NXPE4: variants seen among roughly 807,000 people sequenced by gnomAD.
NXPE4 encodes the protein NXPE family member 4.
NXPE4 carries 42 observed loss-of-function variants against 33.3 expected under a neutral mutation model. The observed-to-expected ratio is 1.26, with a 90% confidence interval of 0.98 to 1.63. The LOEUF (loss-of-function observed/expected upper bound fraction) is 1.63, where lower values mean the gene tolerates loss of function less well. Among genes scored for constraint, NXPE4 ranks in the 40% most tolerant of loss-of-function variants. The pLI is 0.00. For synonymous variants in NXPE4, 253 were observed against 234.9 expected, an observed-to-expected ratio of 1.08 and a Z score of -0.71; for missense variants, 709 against 647.6, an observed-to-expected ratio of 1.09 and a Z score of -1.03.
the NXPE4 span, among the ~76,000 whole-genome samples, chr11:114,639,465 C>G: frequency 1.1e-4 from 17 of 151,680 alleles, no homozygotes; most frequent in African/African-American, 3.9e-4. Context: ...GCACGCTGCG[C>G]TGCCCCCACT....
chr11:114,607,102 T>G, the NXPE4 span, among the ~76,000 whole-genome samples: 1 of 151,818 alleles, frequency 6.6e-6, no homozygotes, highest in Admixed American at 6.6e-5. Flanking sequence ...GCCTCGTGAG[T>G]AACCACTGTT....
the NXPE4 span, among the ~76,000 whole-genome samples, chr11:114,640,363 C>T: frequency 6.7e-6 from 1 of 148,216 alleles, no homozygotes; most frequent in African/African-American, 2.5e-5. Context: ...CATATATATG[C>T]TACTGTTTCT....
the NXPE4 span, among the ~76,000 whole-genome samples, chr11:114,622,728 G>A: frequency 3.4e-4 from 51 of 151,514 alleles, 1 homozygote; most frequent in South Asian, 4.8e-3. Context: ...GTGTTCCCTC[G>A]TGTGTAACCA....
At chr11:114,591,633 G>A (rs1949456675) in intron 2 of NXPE4, among the ~76,000 whole-genome samples, 1 of 152,160 alleles carries the variant, frequency 6.6e-6, no homozygotes, top group South Asian at 2.1e-4. Context: ...CCAGCCCTCA[G>A]GATGACTACA....
At chr11:114,637,479 G>T in the NXPE4 span, among the ~76,000 whole-genome samples, 11 of 151,370 alleles carry the variant, frequency 7.3e-5, no homozygotes, top group African/African-American at 2.4e-4. Context: ...AGTTAATATT[G>T]TTATGTGTGA....
chr11:114,615,948 C>A, the NXPE4 span, among the ~76,000 whole-genome samples: 3 of 151,118 alleles, frequency 2.0e-5, no homozygotes, highest in African/African-American at 7.4e-5. Flanking sequence ...TATGGGTAAC[C>A]ACTGTTACCC....
the NXPE4 span, among the ~76,000 whole-genome samples, chr11:114,646,300 A>G: frequency 4.0e-5 from 6 of 151,582 alleles, no homozygotes; most frequent in African/African-American, 1.4e-4. Context: ...TTTCATAAAT[A>G]TTATGTATAT....
At chr11:114,634,946 G>C in the NXPE4 span, among the ~76,000 whole-genome samples, 1 of 151,878 alleles carries the variant, frequency 6.6e-6, no homozygotes, top group Admixed American at 6.6e-5. Context: ...TGGTGATGAG[G>C]GCCCTTTTTT....
At chr11:114,631,438 C>T in the NXPE4 span, among the ~76,000 whole-genome samples, 2 of 147,398 alleles carry the variant, frequency 1.4e-5, no homozygotes, top group East Asian at 4.0e-4. Context: ...AAACCAAACA[C>T]TGCATATTCT....
At chr11:114,633,243 A>C in the NXPE4 span, among the ~76,000 whole-genome samples, 2 of 134,750 alleles carry the variant, frequency 1.5e-5, no homozygotes, top group Admixed American at 8.0e-5. Flanking sequence ...TGTAACATAT[A>C]ATATATAATA....
intron 5 of NXPE4, 115 bp downstream of exon 5, chr11:114,580,017 T>A: frequency 1.2e-6 from 1 of 865,792 alleles, no homozygotes. Context: ...AATTTTGGTG[T>A]GTTGTGATTG....
chr11:114,604,588 A>G, the NXPE4 span, among the ~76,000 whole-genome samples: 4 of 148,796 alleles, frequency 2.7e-5, no homozygotes, highest in African/African-American at 9.9e-5. Flanking sequence ...ATATTTCCTC[A>G]TGGGTAACCA....
chr11:114,590,507 C>G (rs999198904), intron 2 of NXPE4, among the ~76,000 whole-genome samples: 4 of 152,122 alleles, frequency 2.6e-5, no homozygotes, highest in Non-Finnish European at 5.9e-5. Flanking sequence ...AAAAGAAACT[C>G]AAGTGGATAA....
At chr11:114,629,111 C>T in the NXPE4 span, among the ~76,000 whole-genome samples, 4 of 152,068 alleles carry the variant, frequency 2.6e-5, no homozygotes, top group African/African-American at 9.7e-5. Flanking sequence ...GAACTGGTAC[C>T]ATTCCTTCTG....
chr11:114,667,093 CTG>C, the NXPE4 span, among the ~76,000 whole-genome samples: 1 of 152,206 alleles, frequency 6.6e-6, no homozygotes, highest in South Asian at 2.1e-4. Context: ...GTTGTTCTAA[CTG>C]TGCTGTGATG....
rs1949108869 is a variant in NXPE4, at chr11:114,580,315, T to C, written c.916A>G (p.Lys306Glu). The C allele has an allele frequency of 6.2e-7, 1 of 1,614,000 alleles. No individual in the cohort carries two copies. Among genetic ancestry groups the C allele is most frequent in the Non-Finnish European group, 8.5e-7 (1 of 1,179,910 alleles). Residue 306 changes from lysine to glutamate, a missense_variant, in exon 5 of 6, where the codon AAA becomes GAA. Lys to Glu is a moderately conservative substitution (Grantham distance 56, BLOSUM62 1). Transcript: ENST00000375478. ...CNKETVAMKE[K>E]CKFGMTSTIP... Reference sequence around the variant, plus strand: ...GTGGATGTCATTCCAAACTTGCATTTCTCTTTCATTGCAACTGTTTCTTCT... The same window carrying C: ...GTGGATGTCATTCCAAACTTGCATTCCTCTTTCATTGCAACTGTTTCTTCT...
the NXPE4 span, among the ~76,000 whole-genome samples, chr11:114,614,134 GATA>G: frequency 6.6e-6 from 1 of 151,578 alleles, no homozygotes. Flanking sequence ...TTACCTGCTG[GATA>G]ATAAGTGCTG....
rs757244762 is a variant in NXPE4, at chr11:114,582,358, G to A, written c.760C>T (p.Leu254Phe). Residue 254 changes from leucine (L) to phenylalanine (F), a missense_variant, in exon 3 of 6, where the codon CTC becomes TTC. Physicochemically the swap from Leu to Phe is conservative, Grantham distance 22 (BLOSUM62 0). Coordinates refer to ENST00000375478, the MANE Select transcript of NXPE4 (RefSeq NM_001077639.2). ...TTGTTCTTAGAATACATGTGAGTGA[G>A]TGCAGCACAGGGCATGTGTTGAGGC... ...VRPQHMPCAA[L>F]THMYSKNKKV... The A allele has an allele frequency of 6.2e-7, 1 of 1,613,926 alleles. No individual in the cohort carries two copies. Among genetic ancestry groups the A allele is most frequent in the Non-Finnish European group, 8.5e-7 (1 of 1,179,818 alleles).
At chr11:114,603,439 G>A in the NXPE4 span, among the ~76,000 whole-genome samples, 1 of 151,176 alleles carries the variant, frequency 6.6e-6, no homozygotes, top group East Asian at 2.0e-4. Context: ...TCGTCTCCTA[G>A]GTAAATTCCA....
Sources: allele counts gnomAD v4.1 joint callset (sites outside exome capture counted in the v4.1 genomes callset), GRCh38; gene constraint gnomAD v4.1.1; transcripts MANE v1.5; gene names NCBI Gene and HGNC (gene_info 2026-07-23, HGNC 2026-07-21).